The following TNS3 variants were observed in gnomAD, a reference collection of about 807,000 sequenced individuals.
The protein encoded by TNS3 is tensin 3.
In TNS3, 45 loss-of-function variants were observed where a neutral mutation model predicts 140.9. The ratio of observed to expected loss-of-function variants is 0.32; its 90% CI spans 0.25 to 0.41. The LOEUF is 0.41. TNS3 is among the 10% of genes least tolerant of loss of function. TNS3 has a pLI of 1.00. For missense variants in TNS3, 1,716 were observed against 1,906.7 expected (o/e 0.90, Z 1.86); for synonymous variants, 815 against 788.4 (o/e 1.03, Z -0.56).
chr7:47,482,384 C>T (rs1797453375), intron 3 of TNS3, among the ~76,000 whole-genome samples: 1 of 152,186 alleles, frequency 6.6e-6, no homozygotes. Flanking sequence ...ATGGCTCTGA[C>T]TCAGACGGAT....
At chr7:47,354,034 A>AC (rs1562627682) in intron 17 of TNS3, among the ~76,000 whole-genome samples, 121 of 126,738 alleles carry the variant, frequency 9.5e-4, no homozygotes, top group African/African-American at 3.4e-3. Context: ...CACACACACA[A>AC]ATTCCAAGGT....
At chr7:47,448,459 A>G (rs1251010483) in intron 4 of TNS3, among the ~76,000 whole-genome samples, 3 of 148,050 alleles carry the variant, frequency 2.0e-5, no homozygotes, top group African/African-American at 5.0e-5. Context: ...TGAGAGCCCA[A>G]CTCTGGTGGG....
At chr7:47,408,864 G>A (rs755439819) in intron 13 of TNS3, among the ~76,000 whole-genome samples, 114 of 152,038 alleles carry the variant, frequency 7.5e-4, no homozygotes, top group Non-Finnish European at 6.8e-4. Flanking sequence ...CACAGGACAC[G>A]TCCATCTGAG....
chr7:47,465,975 A>G (rs898413396), intron 4 of TNS3, among the ~76,000 whole-genome samples: 9 of 152,102 alleles, frequency 5.9e-5, no homozygotes, highest in African/African-American at 2.2e-4. Flanking sequence ...ATAAAAGTCA[A>G]GAACATTTTA....
At chr7:47,361,840 C>T (rs1351538820) in intron 17 of TNS3, among the ~76,000 whole-genome samples, 1 of 152,114 alleles carries the variant, frequency 6.6e-6, no homozygotes, top group East Asian at 1.9e-4. Flanking sequence ...TGCCAGGTTG[C>T]TGTCATCACA....
chr7:47,441,152 C>T (rs148165383), intron 5 of TNS3, among the ~76,000 whole-genome samples: 56 of 152,212 alleles, frequency 3.7e-4, no homozygotes, highest in African/African-American at 1.3e-3. Context: ...CATCAAACAT[C>T]CAATACCATA....
intron 17 of TNS3, among the ~76,000 whole-genome samples, chr7:47,351,078 T>G (rs1789641872): frequency 6.6e-6 from 1 of 152,340 alleles, no homozygotes; most frequent in Non-Finnish European, 1.5e-5. Context: ...ATGTATTACT[T>G]TTTAAAATTA....
chr7:47,500,756 G>A (rs557831558), intron 3 of TNS3, among the ~76,000 whole-genome samples: 1 of 152,100 alleles, frequency 6.6e-6, no homozygotes, highest in Non-Finnish European at 1.5e-5. Context: ...TTACACGCAG[G>A]GCCAGGGATT....
intron 3 of TNS3, among the ~76,000 whole-genome samples, chr7:47,490,809 T>C (rs1797782681): frequency 6.6e-6 from 1 of 152,288 alleles, no homozygotes; most frequent in African/African-American, 2.4e-5. Flanking sequence ...TCACAGCTTG[T>C]TGGTTTCAGC....
At chr7:47,562,950 TCAA>T (rs151168236) in intron 1 of TNS3, among the ~76,000 whole-genome samples, 3,471 of 152,234 alleles carry the variant, frequency 0.023, 133 homozygotes, top group African/African-American at 0.079. Flanking sequence ...TGGGGATAAT[TCAA>T]CAACAACAAC....
chr7:47,436,241 A>G (rs1795175844), intron 7 of TNS3, among the ~76,000 whole-genome samples: 1 of 152,238 alleles, frequency 6.6e-6, no homozygotes, highest in Admixed American at 6.5e-5. Flanking sequence ...TTGAGATACT[A>G]TTATACATAA....
intron 17 of TNS3, among the ~76,000 whole-genome samples, chr7:47,348,651 C>T (rs1027808830): frequency 1.3e-5 from 2 of 152,160 alleles, no homozygotes; most frequent in African/African-American, 4.8e-5. Flanking sequence ...TAAATATGTA[C>T]AATTATTATG....
At chr7:47,310,481 A>G (rs1032604616) in intron 20 of TNS3, among the ~76,000 whole-genome samples, 1 of 152,128 alleles carries the variant, frequency 6.6e-6, no homozygotes, top group East Asian at 1.9e-4. Context: ...TCTAAAGAAC[A>G]TGCCTCCCCC....
intron 1 of TNS3, among the ~76,000 whole-genome samples, chr7:47,570,398 T>C (rs904981249): frequency 2.0e-5 from 3 of 152,244 alleles, no homozygotes; most frequent in African/African-American, 7.2e-5. Context: ...CCTGGGGACA[T>C]TTGTCATCAA....
At chr7:47,562,388 T>C (rs1170133040) in intron 1 of TNS3, among the ~76,000 whole-genome samples, 4 of 140,672 alleles carry the variant, frequency 2.8e-5, no homozygotes, top group Non-Finnish European at 4.9e-5. Flanking sequence ...CTGCTGCCTT[T>C]TTTTTTTTTT....
At chr7:47,559,839 G>A (rs953973715) in intron 1 of TNS3, among the ~76,000 whole-genome samples, 1 of 152,196 alleles carries the variant, frequency 6.6e-6, no homozygotes, top group Admixed American at 6.5e-5. Context: ...CTGTAGCATA[G>A]GACAAGGAAA....
At chr7:47,496,472 C>T (rs763039368) in intron 3 of TNS3, among the ~76,000 whole-genome samples, 19 of 152,074 alleles carry the variant, frequency 1.2e-4, no homozygotes, top group South Asian at 2.1e-4. Context: ...TGGAAGCAGG[C>T]GGGGGGAGGT....
intron 16 of TNS3, chr7:47,396,575 C>T (rs528998484): frequency 1.8e-5 from 10 of 551,770 alleles, no homozygotes; most frequent in Admixed American, 6.3e-5. Context: ...CTCATCCACC[C>T]GTTACAGCTT....
At chr7:47,320,043 A>G (rs1787641273) in intron 20 of TNS3, among the ~76,000 whole-genome samples, 1 of 152,244 alleles carries the variant, frequency 6.6e-6, no homozygotes, top group Non-Finnish European at 1.5e-5. Context: ...ATGTACTCTC[A>G]TTGCAGTAAA....
Sources: gnomAD v4.1 joint callset for allele counts (sites outside exome capture counted in the v4.1 genomes callset) on GRCh38, gnomAD v4.1.1 for gene constraint, MANE v1.5 for transcripts, NCBI Gene and HGNC (gene_info 2026-07-23, HGNC 2026-07-21) for gene names.